OMD: variants seen among roughly 807,000 people sequenced by gnomAD.
The protein encoded by OMD is osteomodulin.
In OMD, 19 loss-of-function variants were observed where a neutral mutation model predicts 31.2. That is an observed-to-expected ratio of 0.61 (90% CI 0.42 to 0.89). OMD has a LOEUF of 0.89. OMD is among the 40% of genes least tolerant of loss of function. OMD has a pLI of 0.00. For synonymous variants in OMD, 155 were observed against 166.4 expected, an observed-to-expected ratio of 0.93 and a Z score of 0.53; for missense variants, 448 against 490.8, an observed-to-expected ratio of 0.91 and a Z score of 0.82.
chr9:92,419,535 A>C (rs376383739), intron 1 of OMD, among the ~76,000 whole-genome samples: 10 of 152,000 alleles, frequency 6.6e-5, no homozygotes, highest in African/African-American at 2.2e-4. Flanking sequence ...TCCTGACCTC[A>C]TGATCCACCC....
chr9:92,412,951 A>T lies in OMD; in HGVS notation c.*2201T>A, dbSNP rs186095397. ...TATTGGGTATATAGTTAGGAATGGA[A>T]TCGCTGGGTTATATGTAACTAAGCT... On this transcript the variant is annotated 3_prime_UTR_variant, in exon 3 of 3. Coordinates refer to ENST00000375550, the MANE Select transcript of OMD (RefSeq NM_005014.3). Among the ~76,000 whole-genome samples, 171 of 142,772 alleles carry T rather than the reference A, an allele frequency of 1.2e-3. 2 individuals carry two copies. In the East Asian group the frequency reaches 0.032, roughly 27 times the overall value. The allele number at this position is 142,772 out of a possible 152,430, so 93.7% of individuals were successfully genotyped here.
chr9:92,415,543 T>C (rs986151181), intron 2 of OMD, 66 bp from the exon 3 acceptor site: 2 of 847,488 alleles, frequency 2.4e-6, no homozygotes, highest in African/African-American at 1.8e-5. Context: ...GCCATAATTC[T>C]ATGTTAGATT....
chr9:92,419,598 C>G (rs977603186), intron 1 of OMD, among the ~76,000 whole-genome samples: 1 of 152,164 alleles, frequency 6.6e-6, no homozygotes, highest in East Asian at 1.9e-4. Context: ...TGCATCCAGC[C>G]TCCTTGTGTC....
chr9:92,418,306 C>G (rs991011224), intron 1 of OMD, among the ~76,000 whole-genome samples: 4 of 151,756 alleles, frequency 2.6e-5, no homozygotes, highest in Non-Finnish European at 4.4e-5. Flanking sequence ...AGGCTGGTCT[C>G]TAACTCCTGA....
At chr9:92,419,102 G>A (rs1193129123) in intron 1 of OMD, among the ~76,000 whole-genome samples, 1 of 152,056 alleles carries the variant, frequency 6.6e-6, no homozygotes, top group African/African-American at 2.4e-5. Context: ...TTGCAAAAGG[G>A]CACACTTCAC....
rs199824217 is a variant in OMD at position 92,415,167 on chromosome 9, A to G, written c.1251T>C (p.Tyr417=). The stretch of plus-strand genomic sequence containing the variant: ...TAGTTTCTTGCTATTCTTGATTTTC[A>G]TAATAATGAAGGTCAAAGTGCCCTT... ...GAEGHFDLHY[Y]ENQE The change falls in exon 3 of 3, where the codon TAT becomes TAC. Residue 417 remains tyrosine, a synonymous_variant. Coordinates refer to ENST00000375550, the MANE Select transcript of OMD (RefSeq NM_005014.3). 1.2e-6 allele frequency: 2 copies of G among 1,604,468 alleles called. No homozygotes were observed. The highest frequency in any genetic ancestry group is 1.7e-5 in the Admixed American group (1 of 57,632).
intron 1 of OMD, among the ~76,000 whole-genome samples, 145 bp downstream of exon 1, chr9:92,424,044 CAAAAGTTTAACAT>C (rs1303416124): frequency 2.0e-5 from 3 of 152,056 alleles, no homozygotes; most frequent in African/African-American, 7.2e-5. Context: ...TTTGCCTAAT[CAAAAGTTTAACAT>C]AACTTTTTTA....
At chr9:92,422,199 C>T (rs1268363474) in intron 1 of OMD, among the ~76,000 whole-genome samples, 1 of 151,962 alleles carries the variant, frequency 6.6e-6, no homozygotes, top group Non-Finnish European at 1.5e-5. Context: ...TACAGGCGTG[C>T]ACCACCACGA....
rs1843477571 is a variant in OMD, at chr9:92,412,696, T to C, written c.*2456A>G. ...GTAGCATATGTCAGTGCTTCGTTAC[T>C]TTTTATTGCTGAATAATATTCCACT... On this transcript the variant is annotated 3_prime_UTR_variant, in exon 3 of 3. Coordinates refer to ENST00000375550, the MANE Select transcript of OMD (RefSeq NM_005014.3). 1.3e-5 allele frequency among the ~76,000 whole-genome samples: 2 copies of C among 152,238 alleles called. No homozygotes were observed. Among genetic ancestry groups the C allele is most frequent in the South Asian group, 4.1e-4 (2 of 4,834 alleles).
intron 2 of OMD, among the ~76,000 whole-genome samples, chr9:92,416,115 T>C (rs1395148812): frequency 6.8e-6 from 1 of 148,012 alleles, no homozygotes; most frequent in Non-Finnish European, 1.5e-5. Context: ...TTTTTTTTTT[T>C]TTAAGACAGA....
At position 92,417,483 on chromosome 9, in the gene OMD, G is replaced by T. The variant is rs1843651911; in HGVS notation, c.76C>A (p.Gln26Lys). 1 of 1,613,352 alleles carries T rather than the reference G, an allele frequency of 6.2e-7. No homozygotes were observed. The highest frequency in any genetic ancestry group is 1.3e-5 in the African/African-American group (1 of 74,736). ...TCTTGGTCATAGTCTTCATCCCACT[G>T]ATAAGTTTCATATTGGCAATGTACT... ...VKVHCQYETY[Q>K]WDEDYDQEPD... The change falls in exon 2 of 3, where the codon CAG (glutamine) becomes AAG (lysine). Residue 26 changes from glutamine (Q) to lysine (K), a missense_variant. Physicochemically the swap from Gln to Lys is moderately conservative, Grantham distance 53. Coordinates refer to ENST00000375550, the MANE Select transcript of OMD (RefSeq NM_005014.3).
intron 1 of OMD, among the ~76,000 whole-genome samples, chr9:92,417,826 A>G (rs10992329): frequency 0.057 from 8,633 of 152,084 alleles, 360 homozygotes; most frequent in Middle Eastern, 0.22. Context: ...TCCCAGGTTC[A>G]AGCAATTCTC....
At chr9:92,423,983 G>A (rs561363909) in intron 1 of OMD, among the ~76,000 whole-genome samples, 1 of 151,856 alleles carries the variant, frequency 6.6e-6, no homozygotes, top group South Asian at 2.1e-4. Context: ...TTTTTATTGG[G>A]TAAATCTTAA....
At chr9:92,422,928 T>C (rs1317599878) in intron 1 of OMD, among the ~76,000 whole-genome samples, 2 of 152,352 alleles carry the variant, frequency 1.3e-5, no homozygotes, top group Admixed American at 6.5e-5. Context: ...AGCAATATTG[T>C]ATAATTCATT....
intron 1 of OMD, among the ~76,000 whole-genome samples, chr9:92,420,111 C>G (rs1312308306): frequency 6.6e-6 from 1 of 152,112 alleles, no homozygotes; most frequent in Non-Finnish European, 1.5e-5. Context: ...TCCCATGCAC[C>G]CGCATCCTGG....
intron 1 of OMD, among the ~76,000 whole-genome samples, chr9:92,422,207 C>T (rs988772038): frequency 5.9e-5 from 9 of 151,972 alleles, no homozygotes; most frequent in African/African-American, 2.2e-4. Context: ...TGCACCACCA[C>T]GACTGGCTAC....
rs1843506326 is a variant in OMD, at chr9:92,413,666, A to G, written c.*1486T>C. On this transcript the variant is annotated 3_prime_UTR_variant, in exon 3 of 3. Transcript: ENST00000375550. Reference sequence around the variant, plus strand: ...TCTGTTGAAAATGTGCTTTGCCCATATTGTGGCATCATAGTTGCACATTGT... The same window carrying G: ...TCTGTTGAAAATGTGCTTTGCCCATGTTGTGGCATCATAGTTGCACATTGT... Among the ~76,000 whole-genome samples, 1 of 152,148 alleles carries G rather than the reference A, an allele frequency of 6.6e-6. No homozygotes were observed. Among genetic ancestry groups the G allele is most frequent in the South Asian group, 2.1e-4 (1 of 4,826 alleles).
intron 2 of OMD, 69 bp downstream of exon 2, chr9:92,416,550 A>C: frequency 1.0e-6 from 1 of 1,003,550 alleles, no homozygotes; most frequent in South Asian, 1.8e-5. Context: ...AGCTTATTGA[A>C]TATTTTTTTC....
In OMD at chr9:92,415,142, T is replaced by G; in HGVS notation, c.*10A>C. ...GTGAAGTCGTAAGTGTATACCTATATAGTTTCTTGCTATTCTTGATTTTCA... is the reference window on the plus strand; with the variant it reads ...GTGAAGTCGTAAGTGTATACCTATAGAGTTTCTTGCTATTCTTGATTTTCA... On this transcript the variant is annotated 3_prime_UTR_variant, in exon 3 of 3. Coordinates refer to ENST00000375550, the MANE Select transcript of OMD (RefSeq NM_005014.3). The G allele has an allele frequency of 6.3e-7, 1 of 1,592,160 alleles. No individual in the cohort carries two copies. Among genetic ancestry groups the G allele is most frequent in the Non-Finnish European group, 8.5e-7 (1 of 1,171,458 alleles).
Sources: allele counts gnomAD v4.1 joint callset (sites outside exome capture counted in the v4.1 genomes callset), GRCh38; gene constraint gnomAD v4.1.1; transcripts MANE v1.5; gene names NCBI Gene and HGNC (gene_info 2026-07-23, HGNC 2026-07-21).